Variants in LYST observed in about 807,000 individuals in gnomAD.
LYST encodes the protein lysosomal trafficking regulator, also known as lysosomal-trafficking regulator.
In LYST, 192 loss-of-function variants were observed where a neutral mutation model predicts 413.6. The observed-to-expected ratio is 0.46, with a 90% CI of 0.41 to 0.52. The LOEUF (loss-of-function observed/expected upper bound fraction) is 0.52. LYST is among the 20% of genes least tolerant of loss of function. LYST has a pLI of 0.00. For synonymous variants in LYST, 1,525 were observed against 1,567.3 expected (o/e 0.97, Z 0.64); for missense variants, 3,815 against 4,499.9 (o/e 0.85, Z 4.35).
At chr1:235,730,427 T>G (rs6659869) in intron 36 of LYST, among the ~76,000 whole-genome samples, 1 of 151,700 alleles carries the variant, frequency 6.6e-6, no homozygotes, top group Non-Finnish European at 1.5e-5. Flanking sequence ...GTTATATTGC[T>G]GCTTGATGAT....
At chr1:235,843,856 CT>C (rs1677492534) in intron 1 of LYST, among the ~76,000 whole-genome samples, 1 of 152,174 alleles carries the variant, frequency 6.6e-6, no homozygotes, top group Non-Finnish European at 1.5e-5. Flanking sequence ...ACCCAAAAGA[CT>C]TGTTAGTCTT....
At chr1:235,704,472 AC>A (rs1182283781) in intron 44 of LYST, among the ~76,000 whole-genome samples, 1 of 152,008 alleles carries the variant, frequency 6.6e-6, no homozygotes, top group Non-Finnish European at 1.5e-5. Context: ...ACGGCATCTC[AC>A]TGTGGTTTTG....
At chr1:235,764,933 T>A (rs910513013) in intron 21 of LYST, among the ~76,000 whole-genome samples, 1 of 152,194 alleles carries the variant, frequency 6.6e-6, no homozygotes, top group African/African-American at 2.4e-5. Context: ...TAAAAAAAAC[T>A]GATTATTCCA....
chr1:235,880,448 A>G (rs1681330930), intron 1 of LYST, among the ~76,000 whole-genome samples: 1 of 152,224 alleles, frequency 6.6e-6, no homozygotes, highest in Non-Finnish European at 1.5e-5. Flanking sequence ...TAAAAGTGTC[A>G]TCATTTGACA....
At chr1:235,858,800 G>A (rs1441442961) in intron 1 of LYST, among the ~76,000 whole-genome samples, 1 of 152,078 alleles carries the variant, frequency 6.6e-6, no homozygotes, top group Non-Finnish European at 1.5e-5. Flanking sequence ...ATTGTTATGG[G>A]GGTGGGGAAG....
intron 48 of LYST, among the ~76,000 whole-genome samples, chr1:235,683,988 C>G (rs1422764858): frequency 6.6e-6 from 1 of 152,166 alleles, no homozygotes; most frequent in Non-Finnish European, 1.5e-5. Flanking sequence ...AACTATTAAT[C>G]TCATGATTTG....
chr1:235,845,051 G>A (rs1677643216), intron 1 of LYST, among the ~76,000 whole-genome samples: 2 of 152,100 alleles, frequency 1.3e-5, no homozygotes, highest in Admixed American at 1.3e-4. Flanking sequence ...GTGAATTTGA[G>A]CTCCAGATCC....
chr1:235,746,713 G>A (rs2103283228), intron 28 of LYST, among the ~76,000 whole-genome samples, 186 bp from the exon 29 acceptor site: 1 of 152,308 alleles, frequency 6.6e-6, no homozygotes, highest in South Asian at 2.1e-4. Flanking sequence ...AAGTGCAACA[G>A]TACTTTTGGT....
intron 14 of LYST, 57 bp from the exon 15 acceptor site, chr1:235,782,144 T>G: frequency 7.0e-7 from 1 of 1,433,510 alleles, no homozygotes; most frequent in Non-Finnish European, 9.6e-7. Context: ...TAGTACTAAG[T>G]ATTTTTAAAG....
intron 1 of LYST, among the ~76,000 whole-genome samples, chr1:235,882,916 A>G (rs544942383): frequency 6.6e-6 from 1 of 152,256 alleles, no homozygotes; most frequent in South Asian, 2.1e-4. Flanking sequence ...AATCTCTCCA[A>G]TGAATGTCTT....
rs978122354 is a variant in LYST at position 235,664,695 on chromosome 1, C to A, written c.11039-74G>T. ...GAGCCCACATTTGGCCCCAGAAGGG[C>A]AACCCTGAAGGGCAAGCTCATTTGT... On this transcript the variant is annotated intron_variant, in intron 50 of 52. Transcript: ENST00000389793. The surrounding 1 kb of genome is among the most constrained non-coding windows in gnomAD (Gnocchi z 4.5). The A allele has an allele frequency of 1.2e-4, 168 of 1,418,712 alleles. No individual in the cohort carries two copies. The highest frequency in any genetic ancestry group is 1.6e-4 in the Non-Finnish European group (164 of 1,005,922). 87.9% of individuals were successfully genotyped at this position (1,418,712 alleles called of 1,614,324 possible). A position where few individuals can be genotyped will look rare whatever the true frequency, so the allele number is the denominator to read the frequency against.
At chr1:235,868,996 C>G (rs528067441), upstream of LYST, among the ~76,000 whole-genome samples, 166 of 152,154 alleles carry the variant, frequency 1.1e-3, no homozygotes, top group Middle Eastern at 0.01. Flanking sequence ...CTCCTGGCCT[C>G]GGTTCCAGTA....
intron 3 of LYST, 136 bp downstream of exon 3, chr1:235,830,090 T>C (rs1352139221): frequency 5.2e-6 from 3 of 581,014 alleles, no homozygotes; most frequent in Non-Finnish European, 9.0e-6. Flanking sequence ...ATAGGTCCAC[T>C]TTTTTTTTAG....
chr1:235,737,061 CCTAT>C (rs1297707686), intron 31 of LYST: 1 of 152,038 alleles, frequency 6.6e-6, no homozygotes, highest in Non-Finnish European at 1.5e-5. Context: ...AGCCTACCTA[CCTAT>C]CTAATTGGTT....
upstream of LYST, among the ~76,000 whole-genome samples, chr1:235,871,614 T>G (rs552315252): frequency 6.6e-6 from 1 of 152,376 alleles, no homozygotes; most frequent in Admixed American, 6.5e-5. Context: ...CACAAGTCTT[T>G]GTAATAAAGT....
At chr1:235,773,083 G>A (rs540502859) in intron 19 of LYST, among the ~76,000 whole-genome samples, 3 of 152,230 alleles carry the variant, frequency 2.0e-5, no homozygotes, top group South Asian at 2.1e-4. Flanking sequence ...TTGGGAAGCC[G>A]AGGCAGGCAG....
chr1:235,734,918 G>A, intron 31 of LYST: 11 of 271,906 alleles, frequency 4.0e-5, no homozygotes, highest in South Asian at 1.5e-4. Context: ...AGAATTTAGA[G>A]GTAAAATATC....
intron 8 of LYST, among the ~76,000 whole-genome samples, chr1:235,802,162 C>T (rs1028677127): frequency 2.4e-5 from 3 of 126,744 alleles, no homozygotes; most frequent in African/African-American, 9.4e-5. Context: ...CCACTGCACT[C>T]TAGCCTGGGC....
intron 37 of LYST, among the ~76,000 whole-genome samples, chr1:235,728,922 G>A (rs1664129559): frequency 6.6e-6 from 1 of 152,106 alleles, no homozygotes; most frequent in South Asian, 2.1e-4. Context: ...AACATAGACT[G>A]CTGGGCCCCA....
Sources: gnomAD v4.1 joint callset for allele counts (sites outside exome capture counted in the v4.1 genomes callset) on GRCh38, gnomAD v4.1.1 for gene constraint, Gnocchi (gnomAD v3.1) non-coding constraint, MANE v1.5 for transcripts, NCBI Gene and HGNC (gene_info 2026-07-23, HGNC 2026-07-21) for gene names.